The following GNA14 variants were observed in gnomAD, a reference collection of about 807,000 sequenced individuals.
GNA14 encodes the protein guanine nucleotide-binding protein subunit alpha-14.
In GNA14, 50 loss-of-function variants were observed where a neutral mutation model predicts 42.0. The ratio of observed to expected loss-of-function variants is 1.19; its 90% CI spans 0.95 to 1.51. The LOEUF is 1.51. Among genes scored for constraint, GNA14 ranks in the 40% most tolerant of loss-of-function variants. The pLI is 0.00. For missense variants in GNA14, 473 were observed against 446.2 expected, an observed-to-expected ratio of 1.06 and a Z score of -0.54; for synonymous variants, 173 against 163.1, an observed-to-expected ratio of 1.06 and a Z score of -0.46.
chr9:77,569,930 C>T (rs1204133481), intron 1 of GNA14, among the ~76,000 whole-genome samples: 1 of 152,020 alleles, frequency 6.6e-6, no homozygotes, highest in African/African-American at 2.4e-5. Flanking sequence ...CCATGTCTGG[C>T]TAATTTTTGT....
At chr9:77,547,439 C>A (rs1837733637) in intron 1 of GNA14, among the ~76,000 whole-genome samples, 1 of 152,156 alleles carries the variant, frequency 6.6e-6, no homozygotes, top group Non-Finnish European at 1.5e-5. Context: ...TATTTTTGTT[C>A]TATCAATTAG....
chr9:77,526,737 A>G (rs1837444954), intron 2 of GNA14: 1 of 152,188 alleles, frequency 6.6e-6, no homozygotes, highest in Non-Finnish European at 1.5e-5. Context: ...ACAAACTGTA[A>G]AAACAATAAA....
At chr9:77,455,404 C>T (rs1835981462) in intron 2 of GNA14, among the ~76,000 whole-genome samples, 1 of 152,202 alleles carries the variant, frequency 6.6e-6, no homozygotes. Flanking sequence ...TTCATTACAT[C>T]GGGACTTCAC....
chr9:77,556,221 G>C (rs1736978680), intron 1 of GNA14, among the ~76,000 whole-genome samples: 1 of 152,162 alleles, frequency 6.6e-6, no homozygotes. Flanking sequence ...TACAGTCTGG[G>C]CGACAATGTG....
intron 5 of GNA14, among the ~76,000 whole-genome samples, chr9:77,428,607 A>C (rs956126755): frequency 1.3e-5 from 2 of 152,182 alleles, no homozygotes; most frequent in Non-Finnish European, 2.9e-5. Flanking sequence ...TCCAGTGTGC[A>C]TTCAAGTTTA....
At chr9:77,523,704 A>G (rs1837395097) in intron 2 of GNA14, among the ~76,000 whole-genome samples, 1 of 152,202 alleles carries the variant, frequency 6.6e-6, no homozygotes, top group Non-Finnish European at 1.5e-5. Flanking sequence ...CGCTCCTCTA[A>G]GCAGAGCAGA....
intron 1 of GNA14, among the ~76,000 whole-genome samples, chr9:77,611,851 G>C (rs1276229929): frequency 2.0e-5 from 3 of 152,012 alleles, no homozygotes; most frequent in Admixed American, 2.0e-4. Flanking sequence ...TTTAGCTTTT[G>C]GGTTTCTACA....
chr9:77,569,244 G>A (rs879247674), intron 1 of GNA14, among the ~76,000 whole-genome samples: 4 of 151,908 alleles, frequency 2.6e-5, no homozygotes, highest in African/African-American at 9.7e-5. Context: ...TATGTTTCAA[G>A]CATGCTCTTC....
intron 1 of GNA14, among the ~76,000 whole-genome samples, chr9:77,634,158 C>T (rs1190510669): frequency 6.6e-6 from 1 of 151,908 alleles, no homozygotes; most frequent in Non-Finnish European, 1.5e-5. Flanking sequence ...CTGGTTCATG[C>T]CTATAATCTT....
At chr9:77,482,728 A>T (rs932985595) in intron 2 of GNA14, among the ~76,000 whole-genome samples, 1 of 152,088 alleles carries the variant, frequency 6.6e-6, no homozygotes, top group Non-Finnish European at 1.5e-5. Context: ...ACATAGTCCC[A>T]TATTTCTTGG....
At chr9:77,518,695 T>C (rs1056580501) in intron 2 of GNA14, among the ~76,000 whole-genome samples, 8 of 152,206 alleles carry the variant, frequency 5.3e-5, no homozygotes, top group Admixed American at 3.9e-4. Context: ...GGTGTTTTCT[T>C]AAAAGAAAAT....
intron 1 of GNA14, among the ~76,000 whole-genome samples, chr9:77,540,281 C>G (rs1296405896): frequency 6.6e-6 from 1 of 151,990 alleles, no homozygotes; most frequent in African/African-American, 2.4e-5. Flanking sequence ...TTTATAGTTT[C>G]CAAAGTTCCT....
intron 1 of GNA14, among the ~76,000 whole-genome samples, chr9:77,612,156 G>C (rs867644352): frequency 4.3e-4 from 65 of 152,206 alleles, no homozygotes; most frequent in Middle Eastern, 3.4e-3. Flanking sequence ...AAGAAATTAA[G>C]TTACTCATCA....
chr9:77,432,872 A>G (rs1835579847), intron 3 of GNA14, among the ~76,000 whole-genome samples: 1 of 152,142 alleles, frequency 6.6e-6, no homozygotes, highest in Admixed American at 6.5e-5. Flanking sequence ...TGGCTCAGGA[A>G]CGTCGTACCT....
intron 1 of GNA14, among the ~76,000 whole-genome samples, chr9:77,603,693 C>G (rs1823603426): frequency 6.6e-6 from 1 of 152,060 alleles, no homozygotes; most frequent in South Asian, 2.1e-4. Flanking sequence ...AGGCCGGGCA[C>G]AGTGGCTCAC....
intron 2 of GNA14, among the ~76,000 whole-genome samples, chr9:77,527,970 G>A (rs1341474560): frequency 6.6e-6 from 1 of 152,162 alleles, no homozygotes; most frequent in Non-Finnish European, 1.5e-5. Context: ...TCTGTTACAG[G>A]GTGAAATTGT....
chr9:77,644,158 T>A (rs1824313464), intron 1 of GNA14, among the ~76,000 whole-genome samples: 2 of 152,024 alleles, frequency 1.3e-5, no homozygotes, highest in African/African-American at 2.4e-5. Context: ...AAATAGGAAC[T>A]GGTATCCTTA....
intron 1 of GNA14, among the ~76,000 whole-genome samples, chr9:77,570,773 G>C (rs971010994): frequency 6.6e-6 from 1 of 152,034 alleles, no homozygotes; most frequent in Non-Finnish European, 1.5e-5. Context: ...TTGCTGGGTC[G>C]TATGGTAGCT....
At position 77,499,850 on chromosome 9, in the gene GNA14, A is replaced by AAAATAAAT. The variant is rs372910074; in HGVS notation, c.309+29211_309+29218dup. ...AGGTGACAGGGCAAGACTGTCTCAAAAAATAAATAAATAAATAAATAAATA... is the reference window on the plus strand; with the variant it reads ...AGGTGACAGGGCAAGACTGTCTCAAAAAATAAATAAATAAATAAATAAATAAATAAATA... On this transcript the variant is annotated intron_variant, in intron 2 of 6. Coordinates refer to ENST00000341700, the MANE Select transcript of GNA14 (RefSeq NM_004297.4). Among the ~76,000 whole-genome samples the AAAATAAAT allele has an allele frequency of 3.2e-3, 485 of 151,780 alleles. 4 individuals carry two copies. Among genetic ancestry groups the AAAATAAAT allele is most frequent in the African/African-American group, 0.011 (458 of 41,218 alleles).
Sources: allele counts gnomAD v4.1 joint callset (sites outside exome capture counted in the v4.1 genomes callset), GRCh38; gene constraint gnomAD v4.1.1; transcripts MANE v1.5; gene names NCBI Gene and HGNC (gene_info 2026-07-23, HGNC 2026-07-21).